The following TXNDC11 variants were observed in gnomAD, a reference collection of about 807,000 sequenced individuals.
The protein encoded by TXNDC11 is thioredoxin domain containing 11.
Under a neutral mutation model 78.0 loss-of-function variants are expected in TXNDC11, and 68 were observed. The ratio of observed to expected loss-of-function variants is 0.87; its 90% CI spans 0.72 to 1.07. TXNDC11 has a LOEUF of 1.07. TXNDC11 is among the 50% of genes least tolerant of loss of function. The probability of loss-of-function intolerance (pLI) is 0.00; values close to 1 mark genes in which losing one functional copy is unlikely to be tolerated. For missense variants in TXNDC11, 1,389 were observed against 1,221.8 expected (o/e 1.14, Z -2.04); for synonymous variants, 571 against 495.2 (o/e 1.15, Z -2.03).
At chr16:11,689,939 A>G (rs1273288834) in intron 8 of TXNDC11, 1 of 152,156 alleles carries the variant, frequency 6.6e-6, no homozygotes, top group Non-Finnish European at 1.5e-5. Context: ...ACAGTGAGGA[A>G]CTCTTGGATT....
intron 7 of TXNDC11, among the ~76,000 whole-genome samples, chr16:11,692,431 G>A (rs1160677759): frequency 6.6e-6 from 1 of 152,024 alleles, no homozygotes; most frequent in African/African-American, 2.4e-5. Context: ...TATTAGAAGG[G>A]CCCCCAAAGT....
At chr16:11,737,727 G>A (rs1207868746) in intron 1 of TXNDC11, among the ~76,000 whole-genome samples, 2 of 151,708 alleles carry the variant, frequency 1.3e-5, no homozygotes, top group African/African-American at 2.4e-5. Flanking sequence ...TTAGCCGGGC[G>A]TGGTGGCACA....
intron 5 of TXNDC11, among the ~76,000 whole-genome samples, chr16:11,701,828 C>G (rs1383723965): frequency 6.6e-6 from 1 of 152,054 alleles, no homozygotes; most frequent in African/African-American, 2.4e-5. Context: ...AACGGCACAG[C>G]CACTCAGGAA....
chr16:11,707,257 T>C (rs1041560936), intron 5 of TXNDC11, among the ~76,000 whole-genome samples: 3 of 151,480 alleles, frequency 2.0e-5, no homozygotes, highest in Non-Finnish European at 4.4e-5. Context: ...TGAAACCCCA[T>C]CTCTACTAAA....
chr16:11,716,952 T>C (rs2051542965), intron 5 of TXNDC11, among the ~76,000 whole-genome samples: 1 of 152,058 alleles, frequency 6.6e-6, no homozygotes, highest in South Asian at 2.1e-4. Flanking sequence ...TCATCAAGAT[T>C]AGAAAGAAAG....
At chr16:11,728,528 C>T (rs2051950347) in intron 4 of TXNDC11, among the ~76,000 whole-genome samples, 2 of 152,194 alleles carry the variant, frequency 1.3e-5, no homozygotes, top group African/African-American at 4.8e-5. Flanking sequence ...CACTGTTGTA[C>T]ATCACTCTAA....
intron 5 of TXNDC11, among the ~76,000 whole-genome samples, chr16:11,720,910 T>G (rs959022679): frequency 6.6e-6 from 1 of 151,532 alleles, no homozygotes; most frequent in African/African-American, 2.4e-5. Context: ...CGTGCCTAAT[T>G]TTTGTATTCC....
chr16:11,679,659 T>C lies in TXNDC11; in HGVS notation c.2413A>G (p.Arg805Gly), dbSNP rs1236265310. 1.2e-6 allele frequency: 2 copies of C among 1,614,138 alleles called. No homozygotes were observed. Among genetic ancestry groups the C allele is most frequent in the South Asian group, 1.1e-5 (1 of 91,082 alleles). Residue 805 changes from arginine (R) to glycine (G), a missense_variant, in exon 12 of 12, where the codon AGA becomes GGA. Physicochemically the swap from Arg to Gly is moderately radical, Grantham distance 125. Transcript: ENST00000283033. This position sits in a 1 kb window ranked among gnomAD's most constrained non-coding sequence, Gnocchi z 4.6. ...LQRGHISHLE[R>G]EIQKLRAEIS... ...TCTGCTCTCAGTTTCTGGATCTCTC[T>C]CTCCAAGTGGGAGATGTGCCCCCGC...
intron 1 of TXNDC11, among the ~76,000 whole-genome samples, chr16:11,736,800 A>G (rs1292431172): frequency 6.6e-6 from 1 of 152,228 alleles, no homozygotes; most frequent in Non-Finnish European, 1.5e-5. Context: ...TCCTAAGACT[A>G]ATGAAGATAA....
chr16:11,722,140 T>C (rs1395572495), intron 4 of TXNDC11, among the ~76,000 whole-genome samples: 2 of 152,182 alleles, frequency 1.3e-5, no homozygotes, highest in East Asian at 3.8e-4. Context: ...ACCTTCACAC[T>C]TTGCTGGAAA....
chr16:11,700,587 A>G, intron 5 of TXNDC11, 23 bp from the exon 6 acceptor site: 1 of 1,331,242 alleles, frequency 7.5e-7, no homozygotes, highest in Non-Finnish European at 1.1e-6. Flanking sequence ...ATTTTCCTTT[A>G]TTAAAGAAAA....
Position 11,706,903 on chromosome 16 carries a change from A to AT in TXNDC11, c.794-6340dup, listed in dbSNP as rs1303009299. ...ACTGCGTGGGTCCACTTACATGCAT[A>AT]TTTTTTTTAACGAAACACAGATCCA... On this transcript the variant is annotated intron_variant, in intron 5 of 11. Transcript: ENST00000283033. Among the ~76,000 whole-genome samples, 17 of 151,888 alleles carry AT rather than the reference A, an allele frequency of 1.1e-4. No homozygotes were observed. The East Asian group carries it at 1.5e-3, about 14-fold the overall frequency.
intron 5 of TXNDC11, among the ~76,000 whole-genome samples, chr16:11,716,099 T>C (rs2051519082): frequency 6.6e-6 from 1 of 152,222 alleles, no homozygotes; most frequent in Non-Finnish European, 1.5e-5. Context: ...CACAGAAAGG[T>C]TAAATATTTT....
chr16:11,714,896 A>G (rs906193889), intron 5 of TXNDC11, among the ~76,000 whole-genome samples: 8 of 152,150 alleles, frequency 5.3e-5, no homozygotes, highest in African/African-American at 1.9e-4. Flanking sequence ...AGGTTTCCTC[A>G]TCAACTGAGT....
intron 4 of TXNDC11, among the ~76,000 whole-genome samples, chr16:11,728,895 G>A (rs2051961314): frequency 6.6e-6 from 1 of 151,992 alleles, no homozygotes; most frequent in Non-Finnish European, 1.5e-5. Flanking sequence ...CAGCTACTTA[G>A]GAGGCTGAGG....
chr16:11,685,965 T>G (rs1020150710), intron 10 of TXNDC11, among the ~76,000 whole-genome samples: 3 of 150,384 alleles, frequency 2.0e-5, no homozygotes, highest in African/African-American at 4.9e-5. Flanking sequence ...ATATGCTTAC[T>G]TTTTTTTTTC....
intron 6 of TXNDC11, 41 bp from the exon 7 acceptor site, chr16:11,698,366 G>A (rs942825130): frequency 7.6e-6 from 12 of 1,582,848 alleles, no homozygotes; most frequent in South Asian, 2.2e-5. Context: ...GAGAGCTCGT[G>A]AGGTGGGGCA....
rs950999889 is a variant in TXNDC11, at chr16:11,699,681, G to A, written c.906+771C>T. 6.2e-4 allele frequency among the ~76,000 whole-genome samples: 95 copies of A among 152,382 alleles called. 1 individual carries two copies. The highest frequency in any genetic ancestry group is 7.4e-5 in the Non-Finnish European group (5 of 68,024). On this transcript the variant is annotated intron_variant, in intron 6 of 11. Transcript: ENST00000283033. ...CTGGAGTGGGCCCAACAGCCCCTCC[G>A]AAGGCACAAGACTTAGACATTGTGC... is the stretch of plus-strand genomic sequence containing the variant.
At chr16:11,720,411 T>C (rs2051667793) in intron 5 of TXNDC11, among the ~76,000 whole-genome samples, 2 of 139,424 alleles carry the variant, frequency 1.4e-5, no homozygotes, top group Admixed American at 7.3e-5. Context: ...GATTATGATG[T>C]AATAATTTTT....
Sources: gnomAD v4.1 joint callset for allele counts (sites outside exome capture counted in the v4.1 genomes callset) on GRCh38, gnomAD v4.1.1 for gene constraint, Gnocchi (gnomAD v3.1) non-coding constraint, MANE v1.5 for transcripts, NCBI Gene and HGNC (gene_info 2026-07-23, HGNC 2026-07-21) for gene names.